ABCA1: variants seen among roughly 807,000 people sequenced by gnomAD.
The protein encoded by ABCA1 is phospholipid-transporting ATPase ABCA1.
In ABCA1, 133 loss-of-function variants were observed where a neutral mutation model predicts 262.5. That is an observed-to-expected ratio of 0.51 (90% CI 0.44 to 0.59). ABCA1 has a LOEUF of 0.59. ABCA1 is among the 20% of genes least tolerant of loss of function. The pLI is 0.00. For synonymous variants in ABCA1, 1,022 were observed against 1,043.5 expected, an observed-to-expected ratio of 0.98 and a Z score of 0.40; for missense variants, 2,452 against 2,777.5, an observed-to-expected ratio of 0.88 and a Z score of 2.63.
chr9:104,915,817 C>G (rs567868703), intron 1 of ABCA1, among the ~76,000 whole-genome samples: 1 of 152,238 alleles, frequency 6.6e-6, no homozygotes, highest in East Asian at 1.9e-4. Context: ...CAAGCAACAA[C>G]GCGCTAAGTG....
At chr9:104,785,320 T>G in intron 49 of ABCA1, 76 bp downstream of exon 49, 2 of 1,584,758 alleles carry the variant, frequency 1.3e-6, no homozygotes, top group Non-Finnish European at 1.7e-6. Flanking sequence ...AAACTGCTCT[T>G]GGACCTATGG....
intron 33 of ABCA1, 32 bp from the exon 34 acceptor site, chr9:104,802,191 C>G: frequency 6.4e-7 from 1 of 1,571,004 alleles, no homozygotes; most frequent in African/African-American, 1.3e-5. Flanking sequence ...AAAACCCAGA[C>G]AGTGGGGTGC....
intron 1 of ABCA1, among the ~76,000 whole-genome samples, chr9:104,919,550 T>G (rs995741933): frequency 2.0e-5 from 3 of 151,910 alleles, no homozygotes; most frequent in Non-Finnish European, 4.4e-5. Context: ...AGGCGGAAGT[T>G]GCAGTGAGCC....
chr9:104,788,763 C>T (rs13298930), intron 44 of ABCA1, among the ~76,000 whole-genome samples, 196 bp from the exon 45 acceptor site: 1 of 152,308 alleles, frequency 6.6e-6, no homozygotes, highest in East Asian at 1.9e-4. Flanking sequence ...CCTCTACCCT[C>T]CCCAGTCCTT....
At chr9:104,889,299 T>A in intron 2 of ABCA1, 104 bp from the exon 3 acceptor site, 1 of 1,536,692 alleles carries the variant, frequency 6.5e-7, no homozygotes, top group East Asian at 2.5e-5. Context: ...TACTAATTAA[T>A]CAACTTCTCC....
chr9:104,818,710 G>T lies in ABCA1; in HGVS notation c.3415C>A (p.Leu1139Ile), dbSNP rs747497359. ...TLVKKDVESS[L>I]SSCRNSSSTV... ...CTACTACTGTTTCTGCAGGAACTGA[G>T]GGAGGATTCCACATCTTTCTTGACC... is the stretch of plus-strand genomic sequence containing the variant. The change falls in exon 23 of 50, where the codon CTC becomes ATC. Residue 1139 changes from leucine (L) to isoleucine (I), a missense_variant. This residue lies in a region of ABCA1 where 665 missense variants were observed against 727.3 expected (regional missense o/e 0.91). Coordinates refer to ENST00000374736, the MANE Select transcript of ABCA1 (RefSeq NM_005502.4). 6.2e-7 allele frequency: 1 copy of T among 1,613,608 alleles called. No homozygotes were observed. The highest frequency in any genetic ancestry group is 8.5e-7 in the Non-Finnish European group (1 of 1,180,038).
intron 39 of ABCA1, 141 bp downstream of exon 39, chr9:104,795,912 G>T: frequency 8.1e-7 from 1 of 1,229,372 alleles, no homozygotes. Flanking sequence ...GCCTTCTCAG[G>T]GAAGACAGAC....
At chr9:104,820,242 G>A (rs935062642) in intron 20 of ABCA1, among the ~76,000 whole-genome samples, 173 bp from the exon 21 acceptor site, 16 of 152,218 alleles carry the variant, frequency 1.1e-4, no homozygotes, top group Non-Finnish European at 2.2e-4. Context: ...ACAACAGTGA[G>A]CAACCACATG....
At chr9:104,904,713 G>A (rs370579591) in intron 1 of ABCA1, among the ~76,000 whole-genome samples, 17 of 152,188 alleles carry the variant, frequency 1.1e-4, no homozygotes, top group East Asian at 9.7e-4. Context: ...CTGTGTCTCT[G>A]GAAAGAAAAC....
intron 11 of ABCA1, among the ~76,000 whole-genome samples, chr9:104,833,990 A>G (rs1225916272): frequency 7.5e-6 from 1 of 132,810 alleles, no homozygotes; most frequent in Non-Finnish European, 1.6e-5. Context: ...CAGCTTCGAC[A>G]GAGAAGATGA....
At position 104,818,346 on chromosome 9, in the gene ABCA1, G is replaced by A. The variant is rs895892692; in HGVS notation, c.3462+317C>T. Among the ~76,000 whole-genome samples, 4 of 152,144 alleles carry A rather than the reference G, an allele frequency of 2.6e-5. No individual in the cohort carries two copies. The East Asian group carries it at 5.8e-4, about 22-fold the overall frequency. On this transcript the variant is annotated intron_variant, in intron 23 of 49. Coordinates refer to ENST00000374736, the MANE Select transcript of ABCA1 (RefSeq NM_005502.4). ...TGAAAAGTAATGAGCAGGAACACCA[G>A]GTCATTTGTAGCCAAGGCTCTTACC...
intron 15 of ABCA1, among the ~76,000 whole-genome samples, chr9:104,828,300 G>A (rs886967138): frequency 6.6e-6 from 1 of 152,158 alleles, no homozygotes; most frequent in African/African-American, 2.4e-5. Context: ...CAGGAGGGAG[G>A]CCTTGGGGGA....
chr9:104,853,867 C>T (rs536024851), intron 7 of ABCA1, among the ~76,000 whole-genome samples: 2 of 152,334 alleles, frequency 1.3e-5, no homozygotes, highest in South Asian at 2.1e-4. Context: ...AAGAAAGCTA[C>T]AGCAGACTGA....
At chr9:104,831,957 C>T (rs561155556) in intron 12 of ABCA1, 130 bp from the exon 13 acceptor site, 603 of 909,500 alleles carry the variant, frequency 6.6e-4, no homozygotes, top group Non-Finnish European at 9.4e-4. Flanking sequence ...TCCTCTCTAA[C>T]GTAGTTTTCC....
rs775971241 is a variant in ABCA1 at position 104,812,567 on chromosome 9, G to A, written c.4050+7C>T. On this transcript the variant is annotated splice_region_variant and intron_variant, in intron 28 of 49. Coordinates refer to ENST00000374736, the MANE Select transcript of ABCA1 (RefSeq NM_005502.4). ...CCAGAGTCTCTGGCGAAAACAGCACGTCTCACCTGAGCAAAAAATCCTTTC... is the reference window on the plus strand; with the variant it reads ...CCAGAGTCTCTGGCGAAAACAGCACATCTCACCTGAGCAAAAAATCCTTTC... 4.6e-5 allele frequency: 75 copies of A among 1,614,010 alleles called. No homozygotes were observed. Among genetic ancestry groups the A allele is most frequent in the Admixed American group, 1.0e-4 (6 of 59,994 alleles).
intron 1 of ABCA1, among the ~76,000 whole-genome samples, chr9:104,917,876 G>T (rs899049205): frequency 3.9e-5 from 6 of 152,158 alleles, no homozygotes; most frequent in African/African-American, 1.4e-4. Flanking sequence ...GGAACCAATA[G>T]TTTATCTTAT....
At chr9:104,799,435 C>CAG (rs1554703916) in intron 36 of ABCA1, 18 of 974,720 alleles carry the variant, frequency 1.8e-5, no homozygotes, top group Middle Eastern at 5.3e-4. Flanking sequence ...CACACACACA[C>CAG]AGCTTAATTT....
chr9:104,925,730 G>T (rs887122892), intron 1 of ABCA1, among the ~76,000 whole-genome samples: 1 of 152,144 alleles, frequency 6.6e-6, no homozygotes, highest in African/African-American at 2.4e-5. Flanking sequence ...TGGGAAACAG[G>T]CTGACAATGG....
intron 22 of ABCA1, 82 bp downstream of exon 22, chr9:104,819,504 A>G: frequency 6.3e-7 from 1 of 1,593,466 alleles, no homozygotes; most frequent in Non-Finnish European, 8.6e-7. Context: ...ACAGAAGCCT[A>G]GCCATGAGAT....
Sources: allele counts gnomAD v4.1 joint callset (sites outside exome capture counted in the v4.1 genomes callset), GRCh38; gene constraint gnomAD v4.1.1; regional missense constraint gnomAD v4.1.1; transcripts MANE v1.5; gene names NCBI Gene and HGNC (gene_info 2026-07-23, HGNC 2026-07-21).